LRP1B: variants seen among roughly 807,000 people sequenced by gnomAD.
The protein encoded by LRP1B is low-density lipoprotein receptor-related protein 1B.
In LRP1B, 217 loss-of-function variants were observed where a neutral mutation model predicts 556.6. The ratio of observed to expected loss-of-function variants is 0.39; its 90% CI spans 0.35 to 0.44. The LOEUF is 0.44. LRP1B is among the 20% of genes least tolerant of loss of function. LRP1B has a pLI of 1.00. For synonymous variants in LRP1B, 2,047 were observed against 1,865.8 expected (o/e 1.10, Z -2.50); for missense variants, 5,053 against 5,620.8 (o/e 0.90, Z 3.23).
intron 2 of LRP1B, among the ~76,000 whole-genome samples, chr2:141,775,093 A>G (rs1695019522): frequency 6.6e-6 from 1 of 152,242 alleles, no homozygotes; most frequent in Admixed American, 6.5e-5. Flanking sequence ...CATAACATGT[A>G]GGAGTCCTTC....
At chr2:140,303,482 T>C (rs1683930846) in intron 83 of LRP1B, among the ~76,000 whole-genome samples, 1 of 151,732 alleles carries the variant, frequency 6.6e-6, no homozygotes, top group Admixed American at 6.6e-5. Flanking sequence ...TTCCTGACAT[T>C]GTGATCCTCC....
At chr2:141,052,386 G>A (rs12612690) in intron 10 of LRP1B, among the ~76,000 whole-genome samples, 39,277 of 151,494 alleles carry the variant, frequency 0.26, 5,408 homozygotes, top group East Asian at 0.44. Context: ...TTACTGTAAT[G>A]ACTTTTTGTC....
intron 41 of LRP1B, among the ~76,000 whole-genome samples, chr2:140,637,630 T>C (rs1470023514): frequency 6.6e-6 from 1 of 152,090 alleles, no homozygotes; most frequent in Non-Finnish European, 1.5e-5. Flanking sequence ...GCTTGGGCAG[T>C]TTAGTGTGGA....
intron 2 of LRP1B, among the ~76,000 whole-genome samples, chr2:141,794,337 C>T (rs1254203677): frequency 6.6e-6 from 1 of 151,882 alleles, no homozygotes. Flanking sequence ...AAATGCCTCA[C>T]ATTTTGTAAA....
At chr2:141,063,054 A>G (rs7597913) in intron 7 of LRP1B, among the ~76,000 whole-genome samples, 39,961 of 151,716 alleles carry the variant, frequency 0.26, 5,559 homozygotes, top group East Asian at 0.44. Context: ...AGTATTCACT[A>G]TGTTTAGTAA....
chr2:141,489,155 G>A (rs1683240281), intron 2 of LRP1B, among the ~76,000 whole-genome samples: 1 of 146,462 alleles, frequency 6.8e-6, no homozygotes, highest in Admixed American at 6.9e-5. Flanking sequence ...GTGGGGACTG[G>A]GTGGGGGGCA....
At chr2:140,595,087 AATATATATATATATATATATAT>A (rs60138085) in intron 43 of LRP1B, among the ~76,000 whole-genome samples, 7,897 of 99,598 alleles carry the variant, frequency 0.079, 388 homozygotes, top group Middle Eastern at 0.16. Flanking sequence ...ATATAAATTG[AATATATATATATATATATATAT>A]ATATATATAT....
chr2:141,956,735 G>A (rs536041779), intron 1 of LRP1B, among the ~76,000 whole-genome samples: 2 of 152,116 alleles, frequency 1.3e-5, no homozygotes, highest in Non-Finnish European at 2.9e-5. Context: ...GTCCCTCAAA[G>A]CACTTAGCTT....
chr2:141,568,390 A>G (rs1381491332), intron 2 of LRP1B, among the ~76,000 whole-genome samples: 4 of 151,260 alleles, frequency 2.6e-5, no homozygotes, highest in African/African-American at 4.8e-5. Flanking sequence ...GAGTGCCTCA[A>G]GAAGTAAAGG....
At chr2:140,865,500 G>C (rs550058868) in intron 27 of LRP1B, among the ~76,000 whole-genome samples, 4 of 151,746 alleles carry the variant, frequency 2.6e-5, no homozygotes, top group Non-Finnish European at 5.9e-5. Flanking sequence ...TAAAATAGTC[G>C]ATATGTTCCT....
rs143936733 is a variant in LRP1B, at chr2:142,014,233, G to T, written c.82+116415C>A. ...GTGGACTCGCCCTGAATCCTTTCTT[G>T]CACGAGATCGAAGAACCCTCTCTTG... On this transcript the variant is annotated intron_variant, in intron 1 of 90. Transcript: ENST00000389484. 5.2e-3 allele frequency among the ~76,000 whole-genome samples: 762 copies of T among 147,842 alleles called. 6 individuals carry two copies. The highest frequency in any genetic ancestry group is 0.019 in the African/African-American group (716 of 37,560).
intron 2 of LRP1B, among the ~76,000 whole-genome samples, chr2:141,660,469 C>T (rs1362286640): frequency 6.6e-6 from 1 of 152,106 alleles, no homozygotes; most frequent in African/African-American, 2.4e-5. Context: ...CAGCTCCAGT[C>T]TGGCAGTTCC....
chr2:140,575,466 G>C (rs1681482992), intron 43 of LRP1B, among the ~76,000 whole-genome samples: 1 of 152,082 alleles, frequency 6.6e-6, no homozygotes, highest in Admixed American at 6.6e-5. Context: ...TTTTCCAATA[G>C]AGTTAATGGC....
intron 41 of LRP1B, among the ~76,000 whole-genome samples, chr2:140,661,276 T>C (rs1365699938): frequency 6.6e-6 from 1 of 152,054 alleles, no homozygotes; most frequent in East Asian, 1.9e-4. Flanking sequence ...AATTTTGTTA[T>C]GGAGAAATTT....
chr2:141,020,696 C>A (rs1370154336), intron 11 of LRP1B, among the ~76,000 whole-genome samples: 1 of 151,952 alleles, frequency 6.6e-6, no homozygotes, highest in African/African-American at 2.4e-5. Context: ...TTAGACTTAC[C>A]TTGCAAAGAA....
intron 86 of LRP1B, among the ~76,000 whole-genome samples, chr2:140,248,071 G>T (rs565722528): frequency 6.6e-6 from 1 of 151,530 alleles, no homozygotes; most frequent in Admixed American, 6.6e-5. Context: ...TGGAACTCTG[G>T]GCATGGTGGG....
Position 142,115,834 on chromosome 2 carries a change from TATATGTAATATATATATATAC to T in LRP1B, c.82+14793_82+14813del, listed in dbSNP as rs1358085630. On this transcript the variant is annotated intron_variant, in intron 1 of 90. Transcript: ENST00000389484. ...TCATATATATGTAATATATATCATATATATGTAATATATATATATACATATATATATATATGGGGGAAGTGA... is the reference window on the plus strand; with the variant it reads ...TCATATATATGTAATATATATCATATATATATATATATATGGGGGAAGTGA... Among the ~76,000 whole-genome samples the T allele has an allele frequency of 0.048, 356 of 7,488 alleles. 145 individuals carry two copies. The East Asian group carries it at 0.74, about 16-fold the overall frequency. The allele number at this position is 7,488 out of a possible 152,430, so 4.9% of individuals were successfully genotyped here. A position where few individuals can be genotyped will look rare whatever the true frequency, so the allele number is the denominator to read the frequency against.
At position 140,388,664 on chromosome 2, in the gene LRP1B, C is replaced by A. The variant is rs370927744; in HGVS notation, c.10415-2655G>T. 3.3e-4 allele frequency among the ~76,000 whole-genome samples: 50 copies of A among 152,242 alleles called. No individual in the cohort carries two copies. In the East Asian group the frequency reaches 9.5e-3, roughly 29 times the overall value. ...TCCATGAAATTACTTGTAAAAGTTA[C>A]AAATACAAACGACATAGCATTGTTC... On this transcript the variant is annotated intron_variant, in intron 66 of 90. Coordinates refer to ENST00000389484, the MANE Select transcript of LRP1B (RefSeq NM_018557.3).
At chr2:141,009,109 T>G (rs1016281678) in intron 14 of LRP1B, among the ~76,000 whole-genome samples, 2 of 151,958 alleles carry the variant, frequency 1.3e-5, no homozygotes, top group African/African-American at 2.4e-5. Flanking sequence ...TCCTGGACTC[T>G]TGACTTCTCA....
Sources: allele counts gnomAD v4.1 joint callset (sites outside exome capture counted in the v4.1 genomes callset), GRCh38; gene constraint gnomAD v4.1.1; transcripts MANE v1.5; gene names NCBI Gene and HGNC (gene_info 2026-07-23, HGNC 2026-07-21).